Variants in BBOF1 observed in about 807,000 individuals in gnomAD.
The protein encoded by BBOF1 is basal body-orientation factor 1.
In BBOF1, 62 loss-of-function variants were observed where a neutral mutation model predicts 68.0. The observed-to-expected ratio is 0.91, with a 90% CI of 0.74 to 1.13. The LOEUF (loss-of-function observed/expected upper bound fraction) is 1.13. Ranked by LOEUF, BBOF1 falls within the 50% of genes most tolerant of loss-of-function variation. The pLI is 0.00. For synonymous variants in BBOF1, 208 were observed against 198.8 expected (o/e 1.05, Z -0.39); for missense variants, 534 against 600.1 (o/e 0.89, Z 1.15).
chr14:74,068,603 C>T (rs746002415), downstream of BBOF1, among the ~76,000 whole-genome samples: 6 of 151,034 alleles, frequency 4.0e-5, no homozygotes, highest in South Asian at 2.1e-4. Context: ...ATTAGCCGGG[C>T]GCTGTGGCAT....
chr14:74,059,151 AT>A (rs1313055585), intron 11 of BBOF1: 99 of 197,964 alleles, frequency 5.0e-4, no homozygotes, highest in South Asian at 1.4e-3. Flanking sequence ...CTGTCAAAGC[AT>A]TTTTTTTTAA....
intron 9 of BBOF1, chr14:74,074,843 A>C: frequency 8.8e-6 from 10 of 1,134,826 alleles, no homozygotes; most frequent in South Asian, 6.7e-5. Context: ...AGGAGGAAAA[A>C]ACTAGAAAGT....
rs145119532 is a variant in BBOF1, at chr14:74,036,210, C to T, written c.495+2039C>T. Among the ~76,000 whole-genome samples, 662 of 152,194 alleles carry T rather than the reference C, an allele frequency of 4.3e-3. 3 individuals are homozygous for T. Among genetic ancestry groups the T allele is most frequent in the African/African-American group, 0.016 (647 of 41,546 alleles). Reference sequence around the variant, plus strand: ...AGCAGGGACTATAGGCGCACGCCACCGTGCTAGGCTAATTTTTTGTATTTT... The same window carrying T: ...AGCAGGGACTATAGGCGCACGCCACTGTGCTAGGCTAATTTTTTGTATTTT... On this transcript the variant is annotated intron_variant, in intron 4 of 11. Coordinates refer to ENST00000394009, the MANE Select transcript of BBOF1 (RefSeq NM_025057.3).
At chr14:74,069,103 T>TTC (rs2060513351), downstream of BBOF1, 4 of 518,806 alleles carry the variant, frequency 7.7e-6, no homozygotes, top group South Asian at 9.0e-5. Flanking sequence ...TACTTTTTCT[T>TTC]TTTTTTTTTT....
chr14:74,072,414 C>A (rs1288064586), intron 9 of BBOF1: 3 of 1,613,908 alleles, frequency 1.9e-6, no homozygotes, highest in Non-Finnish European at 2.5e-6. Context: ...ACCTTCTCCA[C>A]TGTACATCCA....
intron 8 of BBOF1, among the ~76,000 whole-genome samples, chr14:74,053,143 TCTCA>T (rs1450987072): frequency 6.6e-6 from 1 of 152,114 alleles, no homozygotes; most frequent in African/African-American, 2.4e-5. Flanking sequence ...TGAGATGGAA[TCTCA>T]CTCTGTCGCC....
intron 5 of BBOF1, among the ~76,000 whole-genome samples, chr14:74,042,858 T>C (rs895449372): frequency 5.2e-5 from 7 of 135,426 alleles, no homozygotes; most frequent in African/African-American, 2.0e-4. Context: ...TCTCTCTCTC[T>C]CTTATACACA....
intron 12 of BBOF1, among the ~76,000 whole-genome samples, chr14:74,081,888 G>A (rs934071672): frequency 6.6e-6 from 1 of 152,184 alleles, no homozygotes; most frequent in Non-Finnish European, 1.5e-5. Context: ...ATCACCGACA[G>A]TGCAAGTCGC....
Position 74,040,661 on chromosome 14 carries a change from G to T in BBOF1, c.576+16G>T. On this transcript the variant is annotated intron_variant, in intron 5 of 11. Transcript: ENST00000394009. ...TGAAGAAAAGGTACAGATTATTAGG[G>T]TTAATTTAAAATGTTTTGTTTACTA... 1.4e-6 allele frequency: 2 copies of T among 1,478,184 alleles called. No homozygotes were observed. The highest frequency in any genetic ancestry group is 9.2e-7 in the Non-Finnish European group (1 of 1,088,252). 91.6% of individuals were successfully genotyped at this position (1,478,184 alleles called of 1,614,324 possible). A position where few individuals can be genotyped will look rare whatever the true frequency, so the allele number is the denominator to read the frequency against.
intron 8 of BBOF1, among the ~76,000 whole-genome samples, chr14:74,052,372 C>T (rs766067422): frequency 9.2e-5 from 14 of 151,594 alleles, no homozygotes; most frequent in Non-Finnish European, 1.6e-4. Context: ...TCGGGCTGGG[C>T]GCAGTGGCTC....
Position 74,034,048 on chromosome 14 carries a change from A to G in BBOF1, c.372A>G (p.Gln124=), listed in dbSNP as rs778952708. The change falls in exon 4 of 12, where the codon CAA becomes CAG. Residue 124 remains glutamine (Q), a synonymous_variant. Transcript: ENST00000394009. ...TACAGGAACAAAAGTATACCAGGCAAATTAATGAACTAGAGGGACAGTTCC... is the reference window on the plus strand; with the variant it reads ...TACAGGAACAAAAGTATACCAGGCAGATTAATGAACTAGAGGGACAGTTCC... ...KDKLEQKYTR[Q]INELEGQFHQ... is the part of the protein sequence containing the mutation. 1.8e-5 allele frequency: 29 copies of G among 1,599,222 alleles called. No individual in the cohort carries two copies. In the African/African-American group the frequency reaches 3.8e-4, roughly 21 times the overall value.
chr14:74,075,427 C>T (rs1209017988), intron 9 of BBOF1, among the ~76,000 whole-genome samples: 2 of 152,128 alleles, frequency 1.3e-5, no homozygotes, highest in Non-Finnish European at 1.5e-5. Context: ...GAAGCTGAGA[C>T]GGGTATATCA....
rs1476559853 is a variant in BBOF1, at chr14:74,022,965, GCCT to G, written c.109_111del (p.Ser37del). The G allele has an allele frequency of 1.2e-6, 2 of 1,613,458 alleles. No homozygotes were observed. The highest frequency in any genetic ancestry group is 1.7e-6 in the Non-Finnish European group (2 of 1,179,672). ...TGTGGTGGACAGAGCCAAGGCCAAT[GCCT>G]CCCTTTGGGAGGCCAGGTTGGAAGT... On this transcript the variant is annotated inframe_deletion, in exon 2 of 12. Transcript: ENST00000394009.
chr14:74,066,713 T>C (rs1305971217), downstream of BBOF1: 1 of 1,614,134 alleles, frequency 6.2e-7, no homozygotes, highest in Non-Finnish European at 8.5e-7. Flanking sequence ...ACCTTGACAT[T>C]CGAGATGATG....
At chr14:74,059,106 A>C in intron 11 of BBOF1, 1 of 173,348 alleles carries the variant, frequency 5.8e-6, no homozygotes, top group South Asian at 1.1e-4. Flanking sequence ...AAAAAAAAAA[A>C]GCGTAAAGGC....
At chr14:74,040,463 A>G (rs531628982) in intron 4 of BBOF1, 102 bp from the exon 5 acceptor site, 24 of 727,866 alleles carry the variant, frequency 3.3e-5, no homozygotes, top group Admixed American at 5.9e-5. Context: ...AAGAGGTAAC[A>G]TATAACAGAA....
At chr14:74,030,798 ACT>A (rs2059549084) in intron 3 of BBOF1, among the ~76,000 whole-genome samples, 1 of 151,564 alleles carries the variant, frequency 6.6e-6, no homozygotes, top group African/African-American at 2.4e-5. Flanking sequence ...TCTTTTCCAC[ACT>A]GTCTTCTCCC....
rs1330633603 is a variant in BBOF1 at position 74,055,582 on chromosome 14, A to G, written c.1287-2A>G. On this transcript the variant is annotated splice_acceptor_variant, in intron 8 of 11. Transcript: ENST00000394009. LOFTEE classifies it high-confidence loss of function. ...ACATTTTTTTCCTTTGAAATTCTTT[A>G]GGACACATATTGAAGGAAATGTGGA... 2 of 1,603,740 alleles carry G rather than the reference A, an allele frequency of 1.2e-6. No homozygotes were observed. The highest frequency in any genetic ancestry group is 1.7e-4 in the Middle Eastern group (1 of 6,042).
At chr14:74,047,628 T>A (rs1197188257) in intron 6 of BBOF1, among the ~76,000 whole-genome samples, 7 of 151,966 alleles carry the variant, frequency 4.6e-5, no homozygotes, top group Non-Finnish European at 4.4e-5. Flanking sequence ...CTGTAGAGAT[T>A]GGGTCTCACT....
Sources: gnomAD v4.1 joint callset for allele counts (sites outside exome capture counted in the v4.1 genomes callset) on GRCh38, gnomAD v4.1.1 for gene constraint, MANE v1.5 for transcripts, NCBI Gene and HGNC (gene_info 2026-07-23, HGNC 2026-07-21) for gene names.